Variants in CBY2 observed in about 807,000 individuals in gnomAD.
CBY2 encodes the protein protein chibby homolog 2.
In CBY2, 23 loss-of-function variants were observed where a neutral mutation model predicts 25.3. That is an observed-to-expected ratio of 0.91 (90% CI 0.65 to 1.29). The LOEUF (loss-of-function observed/expected upper bound fraction) is 1.29. Among genes scored for constraint, CBY2 ranks in the 50% most tolerant of loss-of-function variants. CBY2 has a pLI of 0.00. For missense variants in CBY2, 642 were observed against 590.7 expected, an observed-to-expected ratio of 1.09 and a Z score of -0.90; for synonymous variants, 279 against 260.2, an observed-to-expected ratio of 1.07 and a Z score of -0.70.
At chr13:45,710,669 C>T (rs1373282574) in intron 2 of CBY2, among the ~76,000 whole-genome samples, 1 of 152,228 alleles carries the variant, frequency 6.6e-6, no homozygotes, top group Non-Finnish European at 1.5e-5. Flanking sequence ...GAGGTTCATT[C>T]TGATCACAGA....
intron 2 of CBY2, chr13:45,703,384 G>T (rs1950222167): frequency 6.9e-7 from 1 of 1,449,198 alleles, no homozygotes; most frequent in South Asian, 1.5e-5. Context: ...AATTGGTGAA[G>T]TCCTCACAGG....
At chr13:45,703,570 G>A in intron 2 of CBY2, 3 of 1,551,082 alleles carry the variant, frequency 1.9e-6, no homozygotes, top group Non-Finnish European at 2.6e-6. Context: ...TGAAATGTAG[G>A]ATGGAGGAAT....
intron 2 of CBY2, among the ~76,000 whole-genome samples, chr13:45,709,544 T>C (rs985728538): frequency 3.3e-5 from 5 of 152,206 alleles, no homozygotes; most frequent in African/African-American, 9.7e-5. Flanking sequence ...GGGATAATTG[T>C]TAAATGTTAA....
rs1225919475 is a variant in CBY2 at position 45,703,348 on chromosome 13, G to A, written c.156+493G>A. 2.1e-6 allele frequency: 3 copies of A among 1,425,608 alleles called. No individual in the cohort carries two copies. The African/African-American group carries it at 4.3e-5, about 21-fold the overall frequency. 88.3% of individuals were successfully genotyped at this position (1,425,608 alleles called of 1,614,324 possible). ...CATCAAAGACAGATGTAGGGGCCAT[G>A]GGCATAGATGCTTTTTCAGTCAATG... is the stretch of plus-strand genomic sequence containing the variant. On this transcript the variant is annotated intron_variant, in intron 2 of 2. Transcript: ENST00000310521.
Position 45,714,193 on chromosome 13 carries a change from C to A in CBY2, c.1168C>A (p.His390Asn). 1 of 1,611,638 alleles carries A rather than the reference C, an allele frequency of 6.2e-7. No individual in the cohort carries two copies. The highest frequency in any genetic ancestry group is 1.1e-5 in the South Asian group (1 of 90,406). Reference sequence around the variant, plus strand: ...GACCCTGCAGGTGCTACGGGCAGAGCACAGGGGCTTCCAGGAGGAGAACAA... The same window carrying A: ...GACCCTGCAGGTGCTACGGGCAGAGAACAGGGGCTTCCAGGAGGAGAACAA... ...NRTLQVLRAE[H>N]RGFQEENKAL... Residue 390 changes from histidine (H) to asparagine (N), a missense_variant, in exon 3 of 3, where the codon CAC becomes AAC. By Grantham distance (68) the His-to-Asn change is moderately conservative. Transcript: ENST00000310521.
At chr13:45,711,407 C>T (rs1427262555) in intron 2 of CBY2, among the ~76,000 whole-genome samples, 3 of 152,036 alleles carry the variant, frequency 2.0e-5, no homozygotes, top group East Asian at 1.9e-4. Flanking sequence ...TCATGGAGCC[C>T]GACTCCCTCT....
At position 45,709,341 on chromosome 13, in the gene CBY2, A is replaced by G. The variant is rs141411340; in HGVS notation, c.157-3841A>G. 1.1e-4 allele frequency among the ~76,000 whole-genome samples: 17 copies of G among 152,338 alleles called. No individual in the cohort carries two copies. The East Asian group carries it at 3.3e-3, about 29-fold the overall frequency. Reference sequence around the variant, plus strand: ...TACCCAGTGTGGAAGGTGGATGTAGAACACAGGCAGCTGAATGCCATGGGT... The same window carrying G: ...TACCCAGTGTGGAAGGTGGATGTAGGACACAGGCAGCTGAATGCCATGGGT... On this transcript the variant is annotated intron_variant, in intron 2 of 2. Coordinates refer to ENST00000310521, the MANE Select transcript of CBY2 (RefSeq NM_152719.3).
chr13:45,702,705 T>A (rs1219255489), intron 1 of CBY2, 70 bp from the exon 2 acceptor site: 1 of 1,271,094 alleles, frequency 7.9e-7, no homozygotes, highest in East Asian at 2.3e-5. Context: ...TCTGTGTTTT[T>A]TAGGCGAGCA....
In CBY2 at chr13:45,713,746, G is replaced by T; in HGVS notation, c.721G>T (p.Gly241Cys). 1 of 1,610,692 alleles carries T rather than the reference G, an allele frequency of 6.2e-7. No individual in the cohort carries two copies. The highest frequency in any genetic ancestry group is 1.1e-5 in the South Asian group (1 of 90,978). Residue 241 changes from glycine (G) to cysteine (C), a missense_variant, in exon 3 of 3, where the codon GGC becomes TGC. Transcript: ENST00000310521. The surrounding 1 kb of genome is among the most constrained non-coding windows in gnomAD (Gnocchi z 5.0). ...CCACGTCGCCCTGCAGGTGCCCCGT[G>T]GCAAGGAGGACAGCACCCTGCAGCT... ...KDHVALQVPRGKEDSTLQLLR... is the reference protein window; with the variant it reads ...KDHVALQVPRCKEDSTLQLLR...
rs1013767262 is a variant in CBY2 at position 45,713,072 on chromosome 13, G to T, written c.157-110G>T. ...AAGCAAAAGCGCCCACTGTGGCCAG[G>T]CCAGACAATCAGACGGGGCTTATTT... On this transcript the variant is annotated intron_variant, in intron 2 of 2. Transcript: ENST00000310521. The surrounding 1 kb of genome is among the most constrained non-coding windows in gnomAD (Gnocchi z 5.0). 11 of 894,510 alleles carry T rather than the reference G, an allele frequency of 1.2e-5. No individual in the cohort carries two copies. The Admixed American group carries it at 3.2e-4, about 26-fold the overall frequency. 55.4% of individuals were successfully genotyped at this position (894,510 alleles called of 1,614,324 possible).
chr13:45,710,662 G>A (rs890541017), intron 2 of CBY2, among the ~76,000 whole-genome samples: 3 of 152,162 alleles, frequency 2.0e-5, no homozygotes, highest in African/African-American at 4.8e-5. Context: ...CCACAGTGAG[G>A]TTCATTCTGA....
rs1593357554 is a variant in CBY2 at position 45,713,276 on chromosome 13, T to C, written c.251T>C (p.Met84Thr). 1 of 1,613,736 alleles carries C rather than the reference T, an allele frequency of 6.2e-7. No individual in the cohort carries two copies. The highest frequency in any genetic ancestry group is 1.3e-5 in the African/African-American group (1 of 74,924). Residue 84 changes from methionine (M) to threonine (T), a missense_variant, in exon 3 of 3, where the codon ATG (methionine) becomes ACG (threonine). Met to Thr is a moderately conservative substitution (Grantham distance 81). Coordinates refer to ENST00000310521, the MANE Select transcript of CBY2 (RefSeq NM_152719.3). This position sits in a 1 kb window ranked among gnomAD's most constrained non-coding sequence, Gnocchi z 5.0. Reference sequence around the variant, plus strand: ...GCCCTGCCCCGGCTGAGCCGCAGGATGGCGAGCCAGCACTCCTATCCACTG... The same window carrying C: ...GCCCTGCCCCGGCTGAGCCGCAGGACGGCGAGCCAGCACTCCTATCCACTG... ...QAALPRLSRR[M>T]ASQHSYPLNR... is the part of the protein sequence containing the mutation.
chr13:45,703,394 G>C, intron 2 of CBY2: 1 of 1,472,656 alleles, frequency 6.8e-7, no homozygotes, highest in Non-Finnish European at 9.0e-7. Flanking sequence ...GTCCTCACAG[G>C]CTATAGAGTC....
In CBY2 at chr13:45,714,175, C is replaced by T. The variant is rs1473692527; in HGVS notation, c.1150C>T (p.Gln384Ter). 6.2e-7 allele frequency: 1 copy of T among 1,610,438 alleles called. No homozygotes were observed. The highest frequency in any genetic ancestry group is 8.5e-7 in the Non-Finnish European group (1 of 1,178,928). ...RLLQEENRTL[Q>*]VLRAEHRGFQ... ...CCTGCAGGAGGAGAACAGGACCCTG[C>T]AGGTGCTACGGGCAGAGCACAGGGG... Residue 384 changes from glutamine to a stop codon, truncating the protein, a stop_gained, in exon 3 of 3, where the codon CAG becomes TAG. Coordinates refer to ENST00000310521, the MANE Select transcript of CBY2 (RefSeq NM_152719.3). LOFTEE classifies it high-confidence loss of function.
chr13:45,711,787 T>C (rs1950271539), intron 2 of CBY2, among the ~76,000 whole-genome samples: 1 of 152,134 alleles, frequency 6.6e-6, no homozygotes, highest in South Asian at 2.1e-4. Context: ...CTGAGCCCCG[T>C]TTTATGCTGT....
chr13:45,714,250 C>T lies in CBY2; in HGVS notation c.1225C>T (p.Gln409Ter), dbSNP rs780517651. The part of the protein sequence containing the change: ...ALWENNKLKL[Q>*]QKLVIDTVTE... ...GTGGGAGAACAACAAGCTGAAGCTG[C>T]AGCAGAAGCTGGTCATTGACACCGT... Residue 409 changes from glutamine (Q) to a stop codon, truncating the protein, a stop_gained, in exon 3 of 3, where the codon CAG becomes TAG. Transcript: ENST00000310521. LOFTEE classifies it high-confidence loss of function. 3 of 1,613,138 alleles carry T rather than the reference C, an allele frequency of 1.9e-6. No individual in the cohort carries two copies. Among genetic ancestry groups the T allele is most frequent in the South Asian group, 2.2e-5 (2 of 90,902 alleles).
rs770298653 is a variant in CBY2 at position 45,713,221 on chromosome 13, T to A, written c.196T>A (p.Tyr66Asn). The change falls in exon 3 of 3, where the codon TAC becomes AAC. Residue 66 changes from tyrosine to asparagine, a missense_variant. Transcript: ENST00000310521. The surrounding 1 kb of genome is among the most constrained non-coding windows in gnomAD (Gnocchi z 5.0). The part of the protein sequence containing the change: ...AEPFPRLHNL[Y>N]STPRCAQQAA... Reference sequence around the variant, plus strand: ...ACCCTTCCCGAGGCTCCACAACTTGTACAGCACCCCTCGCTGCGCGCAGCA... The same window carrying A: ...ACCCTTCCCGAGGCTCCACAACTTGAACAGCACCCCTCGCTGCGCGCAGCA... 1 of 1,613,314 alleles carries A rather than the reference T, an allele frequency of 6.2e-7. No individual in the cohort carries two copies. The highest frequency in any genetic ancestry group is 1.3e-5 in the African/African-American group (1 of 74,934).
chr13:45,712,761 C>T (rs1439108002), intron 2 of CBY2, among the ~76,000 whole-genome samples: 1 of 152,174 alleles, frequency 6.6e-6, no homozygotes, highest in African/African-American at 2.4e-5. Flanking sequence ...GAAGGCTATG[C>T]TGTGCCACAT....
chr13:45,703,741 C>T lies in CBY2; in HGVS notation c.156+886C>T. 5 of 662,474 alleles carry T rather than the reference C, an allele frequency of 7.5e-6. No individual in the cohort carries two copies. In the South Asian group the frequency reaches 9.8e-5, roughly 13 times the overall value. The allele number at this position is 662,474 out of a possible 1,614,324, so 41.0% of individuals were successfully genotyped here. ...AGAAAACATCCTGGATGTTTATTTT[C>T]ACATTATCTTTATAACTTTGTAATG... On this transcript the variant is annotated intron_variant, in intron 2 of 2. Transcript: ENST00000310521.
Sources: gnomAD v4.1 joint callset for allele counts (sites outside exome capture counted in the v4.1 genomes callset) on GRCh38, gnomAD v4.1.1 for gene constraint, Gnocchi (gnomAD v3.1) non-coding constraint, MANE v1.5 for transcripts, NCBI Gene and HGNC (gene_info 2026-07-23, HGNC 2026-07-21) for gene names.